The following RFNG variants were observed in gnomAD, a reference collection of about 807,000 sequenced individuals.
RFNG encodes the protein beta-1,3-N-acetylglucosaminyltransferase radical fringe.
In RFNG, 37 loss-of-function variants were observed where a neutral mutation model predicts 29.6. That is an observed-to-expected ratio of 1.25 (90% CI 0.96 to 1.65). RFNG has a LOEUF of 1.65. Ranked by LOEUF, RFNG falls within the 40% of genes most tolerant of loss-of-function variation. RFNG has a pLI of 0.00. For missense variants in RFNG, 546 were observed against 457.0 expected (o/e 1.19, Z -1.78); for synonymous variants, 276 against 197.3 (o/e 1.40, Z -3.34).
At chr17:82,050,098 CCCT>C in intron 4 of RFNG, 92 bp from the exon 5 acceptor site, 3 of 1,137,502 alleles carry the variant, frequency 2.6e-6, no homozygotes, top group Non-Finnish European at 3.9e-6. Context: ...CTTAAGCTGC[CCCT>C]TAGGAGATCC....
In RFNG at chr17:82,050,546, G is replaced by A; in HGVS notation, c.429C>T (p.Cys143=). ...KFIESGRKWF[C]HVDDDNYVNA... The stretch of plus-strand genomic sequence containing the variant: ...TCACATAATTGTCATCATCCACGTG[G>A]CAAAACCACCTGTGGGCGAGGGGAG... The change falls in exon 4 of 8, where the codon TGC becomes TGT. Residue 143 remains cysteine (C), a synonymous_variant. Transcript: ENST00000310496. The A allele has an allele frequency of 1.2e-6, 2 of 1,611,470 alleles. No individual in the cohort carries two copies. Among genetic ancestry groups the A allele is most frequent in the Non-Finnish European group, 1.7e-6 (2 of 1,178,788 alleles).
rs372202403 is a variant in RFNG at position 82,050,655 on chromosome 17, C to G, written c.419+7G>C. On this transcript the variant is annotated splice_region_variant and intron_variant, in intron 3 of 7. Transcript: ENST00000310496. The stretch of plus-strand genomic sequence containing the variant: ...AGCTCTCTGCGGGTCGGGTCAGCGC[C>G]GCGTACTTGCGCCCGGACTCAATGA... 4 of 1,612,756 alleles carry G rather than the reference C, an allele frequency of 2.5e-6. No homozygotes were observed. Among genetic ancestry groups the G allele is most frequent in the Non-Finnish European group, 3.4e-6 (4 of 1,179,752 alleles).
At position 82,051,647 on chromosome 17, in the gene RFNG, G is replaced by A. The variant is rs1173886787; in HGVS notation, c.120C>T (p.Ala40=). The A allele has an allele frequency of 3.8e-6, 4 of 1,064,618 alleles. No homozygotes were observed. Among genetic ancestry groups the A allele is most frequent in the South Asian group, 8.9e-5 (2 of 22,506 alleles). The allele number at this position is 1,064,618 out of a possible 1,614,324, so 65.9% of individuals were successfully genotyped here. A position where few individuals can be genotyped will look rare whatever the true frequency, so the allele number is the denominator to read the frequency against. The change falls in exon 1 of 8, where the codon GCC becomes GCT. Residue 40 remains alanine, a synonymous_variant. Coordinates refer to ENST00000310496, the MANE Select transcript of RFNG (RefSeq NM_002917.2). This position sits in a 1 kb window ranked among gnomAD's most constrained non-coding sequence, Gnocchi z 4.1. The part of the protein sequence containing the change: ...PRAPAPARTP[A]PAPRAPPSRP... ...GGGACGGGGGCGCGCGCGGGGCCGG[G>A]GCGGGGGTCCGGGCCGGGGCGGGCG...
rs201812335 is a variant in RFNG, at chr17:82,049,960, C to T, written c.620G>A (p.Cys207Tyr). The change falls in exon 5 of 8, where the codon TGC becomes TAC. Residue 207 changes from cysteine (C) to tyrosine (Y), a missense_variant. Coordinates refer to ENST00000310496, the MANE Select transcript of RFNG (RefSeq NM_002917.2). ...FWFATGGAGF[C>Y]LSRGLALKMS... ...CTTGAGGGCAAGGCCTCTGCTGAGG[C>T]AGAACCCGGCCCCACCAGTAGCAAA... is the stretch of plus-strand genomic sequence containing the variant. The T allele has an allele frequency of 4.2e-4, 671 of 1,612,580 alleles. 1 individual carries two copies. The highest frequency in any genetic ancestry group is 5.6e-4 in the Non-Finnish European group (655 of 1,179,758).
Position 82,050,065 on chromosome 17 carries a change from C to T in RFNG, c.574-59G>A. On this transcript the variant is annotated intron_variant, in intron 4 of 7. Transcript: ENST00000310496. The stretch of plus-strand genomic sequence containing the variant: ...ACAGGGCTTCTCACCCCTGACTCTT[C>T]ATGGGACTCCCCAGGCATCTTTCTT... The T allele has an allele frequency of 3.6e-6, 5 of 1,388,284 alleles. No homozygotes were observed. The South Asian group carries it at 4.8e-5, about 13-fold the overall frequency. The allele number at this position is 1,388,284 out of a possible 1,614,324, so 86.0% of individuals were successfully genotyped here. A position where few individuals can be genotyped will look rare whatever the true frequency, so the allele number is the denominator to read the frequency against.
At position 82,048,360 on chromosome 17, in the gene RFNG, A is replaced by C. The variant is rs1598466029; in HGVS notation, c.*366T>G. On this transcript the variant is annotated 3_prime_UTR_variant, in exon 8 of 8. Transcript: ENST00000310496. ...CTTGGCCTGGAGCCTGCTCCTTGAC[A>C]CCCAGCCAGCCTAGCACCCGCCTTC... 3.5e-6 allele frequency: 1 copy of C among 283,796 alleles called. No homozygotes were observed. The highest frequency in any genetic ancestry group is 2.2e-5 in the African/African-American group (1 of 45,380). 17.6% of individuals were successfully genotyped at this position (283,796 alleles called of 1,614,324 possible).
At position 82,051,362 on chromosome 17, in the gene RFNG, TG is replaced by T; in HGVS notation, c.268-21del. ...AAACGTCTGGGGGAGAAACAATCTATGAGGCTTCTGGGGCGCTGCCCAGGCC... is the reference window on the plus strand; with the variant it reads ...AAACGTCTGGGGGAGAAACAATCTATAGGCTTCTGGGGCGCTGCCCAGGCC... On this transcript the variant is annotated intron_variant, in intron 1 of 7. Coordinates refer to ENST00000310496, the MANE Select transcript of RFNG (RefSeq NM_002917.2). This position sits in a 1 kb window ranked among gnomAD's most constrained non-coding sequence, Gnocchi z 4.1. The T allele has an allele frequency of 6.8e-7, 1 of 1,461,402 alleles. No individual in the cohort carries two copies. Among genetic ancestry groups the T allele is most frequent in the Non-Finnish European group, 9.0e-7 (1 of 1,116,046 alleles). The allele number at this position is 1,461,402 out of a possible 1,614,324, so 90.5% of individuals were successfully genotyped here. A position where few individuals can be genotyped will look rare whatever the true frequency, so the allele number is the denominator to read the frequency against.
At chr17:82,050,094 C>A in intron 4 of RFNG, 88 bp from the exon 5 acceptor site, 1 of 1,204,706 alleles carries the variant, frequency 8.3e-7, no homozygotes, top group Non-Finnish European at 1.2e-6. Flanking sequence ...CTTTCTTAAG[C>A]TGCCCCTTAG....
In RFNG at chr17:82,051,797, G is replaced by A. The variant is rs1178575613; in HGVS notation, c.-31C>T. The A allele has an allele frequency of 7.1e-6, 8 of 1,125,998 alleles. No homozygotes were observed. Among genetic ancestry groups the A allele is most frequent in the East Asian group, 4.5e-5 (1 of 22,022 alleles). 69.8% of individuals were successfully genotyped at this position (1,125,998 alleles called of 1,614,324 possible). ...CGCCGGGACCCCCGGCGCTGCGAGC[G>A]GAGAACCTGGCCGGAGCCGTGGGTG... On this transcript the variant is annotated 5_prime_UTR_variant, in exon 1 of 8. Coordinates refer to ENST00000310496, the MANE Select transcript of RFNG (RefSeq NM_002917.2). The surrounding 1 kb of genome is among the most constrained non-coding windows in gnomAD (Gnocchi z 4.1).
chr17:82,051,330 T>C lies in RFNG; in HGVS notation c.280A>G (p.Thr94Ala). The C allele has an allele frequency of 1.4e-6, 2 of 1,454,842 alleles. No homozygotes were observed. Among genetic ancestry groups the C allele is most frequent in the Non-Finnish European group, 1.8e-6 (2 of 1,110,494 alleles). 90.1% of individuals were successfully genotyped at this position (1,454,842 alleles called of 1,614,324 possible). A position where few individuals can be genotyped will look rare whatever the true frequency, so the allele number is the denominator to read the frequency against. The change falls in exon 2 of 8, where the codon ACC becomes GCC. Residue 94 changes from threonine to alanine, a missense_variant. Thr to Ala is a moderately conservative substitution (Grantham distance 58). Transcript: ENST00000310496. This position sits in a 1 kb window ranked among gnomAD's most constrained non-coding sequence, Gnocchi z 4.1. Reference protein sequence around the residue: ...SRARQQTFIFTDGDDPELELQ... With the variant: ...SRARQQTFIFADGDDPELELQ... ...TCGAGCTCAGGGTCGTCCCCGTCGGTGAAGATAAACGTCTGGGGGAGAAAC... is the reference window on the plus strand; with the variant it reads ...TCGAGCTCAGGGTCGTCCCCGTCGGCGAAGATAAACGTCTGGGGGAGAAAC...
At chr17:82,049,880 C>T (rs978125618) in intron 5 of RFNG, 38 bp from the exon 6 acceptor site, 30 of 1,611,366 alleles carry the variant, frequency 1.9e-5, no homozygotes, top group Admixed American at 1.0e-4. Context: ...AGGTCTCAGC[C>T]TCCGCCTCCC....
rs922563757 is a variant in RFNG, at chr17:82,048,527, C to T, written c.*199G>A. On this transcript the variant is annotated 3_prime_UTR_variant, in exon 8 of 8. Coordinates refer to ENST00000310496, the MANE Select transcript of RFNG (RefSeq NM_002917.2). Reference sequence around the variant, plus strand: ...CCCTGGCCATCAGCCTGGCTGTCTTCGTTCTCCCAAAACACCCATCACCGC... The same window carrying T: ...CCCTGGCCATCAGCCTGGCTGTCTTTGTTCTCCCAAAACACCCATCACCGC... The T allele has an allele frequency of 1.9e-5, 11 of 593,572 alleles. No homozygotes were observed. Among genetic ancestry groups the T allele is most frequent in the South Asian group, 7.8e-5 (4 of 51,558 alleles). 36.8% of individuals were successfully genotyped at this position (593,572 alleles called of 1,614,324 possible).
At position 82,051,441 on chromosome 17, in the gene RFNG, C is replaced by T; in HGVS notation, c.267+59G>A. 6 of 1,354,684 alleles carry T rather than the reference C, an allele frequency of 4.4e-6. No individual in the cohort carries two copies. The highest frequency in any genetic ancestry group is 5.7e-6 in the Non-Finnish European group (6 of 1,051,672). The allele number at this position is 1,354,684 out of a possible 1,614,324, so 83.9% of individuals were successfully genotyped here. ...TCCGGGGGCCTGGGCCGGGCCTAGA[C>T]CCTGGGAGGCGGGGCGGGTGGGCGT... On this transcript the variant is annotated intron_variant, in intron 1 of 7. Coordinates refer to ENST00000310496, the MANE Select transcript of RFNG (RefSeq NM_002917.2). The surrounding 1 kb of genome is among the most constrained non-coding windows in gnomAD (Gnocchi z 4.1).
rs1208763795 is a variant in RFNG at position 82,047,955 on chromosome 17, G to A, written c.*771C>T. The A allele has an allele frequency of 1.3e-5, 2 of 152,328 alleles. No homozygotes were observed. Among genetic ancestry groups the A allele is most frequent in the South Asian group, 2.1e-4 (1 of 4,832 alleles). 9.4% of individuals were successfully genotyped at this position (152,328 alleles called of 1,614,324 possible). A position where few individuals can be genotyped will look rare whatever the true frequency, so the allele number is the denominator to read the frequency against. ...CTCGGCAACAGCAAAGCAGGAGGCA[G>A]AGGGGAGATGACGGCCCCTGTCCCA... On this transcript the variant is annotated 3_prime_UTR_variant, in exon 8 of 8. Coordinates refer to ENST00000310496, the MANE Select transcript of RFNG (RefSeq NM_002917.2).
In RFNG at chr17:82,048,607, G is replaced by A. The variant is rs2030067501; in HGVS notation, c.*119C>T. On this transcript the variant is annotated 3_prime_UTR_variant, in exon 8 of 8. Transcript: ENST00000310496. The stretch of plus-strand genomic sequence containing the variant: ...TGCAGGCTAGCCAGAGGGTCTGCCA[G>A]GTGCCTGCATCTCACTGGTGTGGCC... The A allele has an allele frequency of 6.3e-6, 5 of 787,780 alleles. No individual in the cohort carries two copies. The highest frequency in any genetic ancestry group is 3.4e-5 in the African/African-American group (2 of 58,538). The allele number at this position is 787,780 out of a possible 1,614,324, so 48.8% of individuals were successfully genotyped here. A position where few individuals can be genotyped will look rare whatever the true frequency, so the allele number is the denominator to read the frequency against.
Position 82,049,071 on chromosome 17 carries a change from T to G in RFNG, c.874A>C (p.Asn292His). 1 of 1,613,568 alleles carries G rather than the reference T, an allele frequency of 6.2e-7. No individual in the cohort carries two copies. The highest frequency in any genetic ancestry group is 1.1e-5 in the South Asian group (1 of 91,088). The change falls in exon 7 of 8, where the codon AAC (asparagine) becomes CAC (histidine). Residue 292 changes from asparagine (N) to histidine (H), a missense_variant. Coordinates refer to ENST00000310496, the MANE Select transcript of RFNG (RefSeq NM_002917.2). ...GGPENPHNVV[N>H]VAGGFSLHQD... Reference sequence around the variant, plus strand: ...TGCAGGCTGAAGCCTCCAGCCACGTTCACCACGTTATGTGGGTTCTCAGGA... The same window carrying G: ...TGCAGGCTGAAGCCTCCAGCCACGTGCACCACGTTATGTGGGTTCTCAGGA...
At position 82,048,099 on chromosome 17, in the gene RFNG, G is replaced by A. The variant is rs1013485673; in HGVS notation, c.*627C>T. The A allele has an allele frequency of 7.2e-5, 11 of 152,898 alleles. No individual in the cohort carries two copies. The highest frequency in any genetic ancestry group is 2.7e-4 in the African/African-American group (11 of 41,440). 9.5% of individuals were successfully genotyped at this position (152,898 alleles called of 1,614,324 possible). A position where few individuals can be genotyped will look rare whatever the true frequency, so the allele number is the denominator to read the frequency against. ...CACAGTGGGGCAGGAGCACGACCCA[G>A]AAAGTAGTCCTGAGCCACAAGTCAG... On this transcript the variant is annotated 3_prime_UTR_variant, in exon 8 of 8. Coordinates refer to ENST00000310496, the MANE Select transcript of RFNG (RefSeq NM_002917.2).
intron 6 of RFNG, chr17:82,049,331 C>T (rs1471060939): frequency 7.1e-6 from 5 of 700,980 alleles, no homozygotes; most frequent in South Asian, 1.5e-5. Flanking sequence ...GATCTGAAAC[C>T]TCCAGGGCAA....
At chr17:82,048,888 G>A (rs1238912406) in intron 7 of RFNG, 81 bp from the exon 8 acceptor site, 5 of 1,470,416 alleles carry the variant, frequency 3.4e-6, no homozygotes, top group Admixed American at 1.7e-5. Context: ...GGGAGAACCT[G>A]GGGTCAGGGC....
Sources: gnomAD v4.1 joint callset for allele counts on GRCh38, gnomAD v4.1.1 for gene constraint, Gnocchi (gnomAD v3.1) non-coding constraint, MANE v1.5 for transcripts, NCBI Gene and HGNC (gene_info 2026-07-23, HGNC 2026-07-21) for gene names.